Variants in ADAM17 observed in about 807,000 individuals in gnomAD.
The protein encoded by ADAM17 is ADAM metallopeptidase domain 17, also known as disintegrin and metalloproteinase domain-containing protein 17.
Under a neutral mutation model 96.7 loss-of-function variants are expected in ADAM17, and 39 were observed. The ratio of observed to expected loss-of-function variants is 0.40; its 90% CI spans 0.31 to 0.53. The LOEUF is 0.53. ADAM17 is among the 20% of genes least tolerant of loss of function. ADAM17 has a pLI of 0.44. For synonymous variants in ADAM17, 344 were observed against 359.2 expected, an observed-to-expected ratio of 0.96 and a Z score of 0.48; for missense variants, 777 against 1,013.2, an observed-to-expected ratio of 0.77 and a Z score of 3.17.
At chr2:9,527,975 G>T in intron 4 of ADAM17, 21 bp from the exon 5 acceptor site, 1 of 1,406,158 alleles carries the variant, frequency 7.1e-7, no homozygotes, top group East Asian at 2.5e-5. Context: ...AAATATATAC[G>T]ACTGAGATGG....
chr2:9,510,107 C>G lies in ADAM17; in HGVS notation c.1216G>C (p.Glu406Gln). ...TKEADLVTTH[E>Q]LGHNFGAEHD... ...TCTGCTCCAAAATTATGTCCCAATT[C>G]ATGAGTTGTAACCAGGTCAGCTTCC... is the stretch of plus-strand genomic sequence containing the variant. Residue 406 changes from glutamate (E) to glutamine (Q), a missense_variant, in exon 11 of 19, where the codon GAA becomes CAA. Physicochemically the swap from Glu to Gln is conservative, Grantham distance 29. Coordinates refer to ENST00000310823, the MANE Select transcript of ADAM17 (RefSeq NM_003183.6). 6.2e-7 allele frequency: 1 copy of G among 1,614,180 alleles called. No homozygotes were observed. The highest frequency in any genetic ancestry group is 8.5e-7 in the Non-Finnish European group (1 of 1,180,018).
In ADAM17 at chr2:9,521,500, T is replaced by C. The variant is rs147166324; in HGVS notation, c.844-184A>G. The C allele has an allele frequency of 1.3e-3, 440 of 336,986 alleles. 2 individuals carry two copies. Among genetic ancestry groups the C allele is most frequent in the African/African-American group, 9.0e-3 (419 of 46,680 alleles). 20.9% of individuals were successfully genotyped at this position (336,986 alleles called of 1,614,324 possible). A position where few individuals can be genotyped will look rare whatever the true frequency, so the allele number is the denominator to read the frequency against. Reference sequence around the variant, plus strand: ...GAAACAAACAGAGAAGCATATGGTATGGAAAACATATGTCAATGAATTATT... The same window carrying C: ...GAAACAAACAGAGAAGCATATGGTACGGAAAACATATGTCAATGAATTATT... On this transcript the variant is annotated intron_variant, in intron 7 of 18. Coordinates refer to ENST00000310823, the MANE Select transcript of ADAM17 (RefSeq NM_003183.6).
chr2:9,522,652 T>A (rs971412993), intron 7 of ADAM17, among the ~76,000 whole-genome samples: 4 of 152,176 alleles, frequency 2.6e-5, no homozygotes, highest in Non-Finnish European at 5.9e-5. Flanking sequence ...TTTATATAAT[T>A]TACATATCAA....
At position 9,494,796 on chromosome 2, in the gene ADAM17, G is replaced by GCCTCT. The variant is rs1322031150; in HGVS notation, c.1784-30_1784-29insAGAGG. 5.0e-6 allele frequency: 8 copies of GCCTCT among 1,611,934 alleles called. No individual in the cohort carries two copies. In the South Asian group the frequency reaches 8.8e-5, roughly 18 times the overall value. ...GAACAGAGAACACGCATTGACAGCTGGATTGTTCTGAGACCTGCCTCTCCT... is the reference window on the plus strand; with the variant it reads ...GAACAGAGAACACGCATTGACAGCTGCCTCTGATTGTTCTGAGACCTGCCTCTCCT... On this transcript the variant is annotated intron_variant, in intron 14 of 18. Transcript: ENST00000310823.
At chr2:9,522,478 G>T in intron 7 of ADAM17, 1 of 574,002 alleles carries the variant, frequency 1.7e-6, no homozygotes, top group African/African-American at 1.8e-5. Flanking sequence ...AGAATGAAAA[G>T]GGAAAAATAA....
At chr2:9,533,862 C>T (rs903721789) in intron 4 of ADAM17, among the ~76,000 whole-genome samples, 3 of 152,202 alleles carry the variant, frequency 2.0e-5, no homozygotes, top group Non-Finnish European at 4.4e-5. Flanking sequence ...CATCAAGCCA[C>T]AGGAGAGTAA....
At chr2:9,555,216 T>C (rs1161336767) in intron 1 of ADAM17, among the ~76,000 whole-genome samples, 1 of 152,048 alleles carries the variant, frequency 6.6e-6, no homozygotes, top group Non-Finnish European at 1.5e-5. Context: ...CCCTACTCCT[T>C]ACCGCTTTCC....
In ADAM17 at chr2:9,526,127, G is replaced by A. The variant is rs1332910099; in HGVS notation, c.737C>T (p.Thr246Ile). 1.2e-6 allele frequency: 2 copies of A among 1,608,978 alleles called. No homozygotes were observed. Among genetic ancestry groups the A allele is most frequent in the Non-Finnish European group, 1.7e-6 (2 of 1,178,260 alleles). Residue 246 changes from threonine to isoleucine, a missense_variant, in exon 6 of 19, where the codon ACA becomes ATA. Coordinates refer to ENST00000310823, the MANE Select transcript of ADAM17 (RefSeq NM_003183.6). ...YRYMGRGEESTTTNYLIELID... is the reference protein window; with the variant it reads ...YRYMGRGEESITTNYLIELID... ...AATACTTACTAAGTAATTTGTAGTTGTACTCTCTTCCCCTCTGCCCATGTA... is the reference window on the plus strand; with the variant it reads ...AATACTTACTAAGTAATTTGTAGTTATACTCTCTTCCCCTCTGCCCATGTA...
intron 1 of ADAM17, among the ~76,000 whole-genome samples, chr2:9,554,085 A>C (rs1243294041): frequency 6.6e-6 from 1 of 152,022 alleles, no homozygotes; most frequent in Non-Finnish European, 1.5e-5. Context: ...TGGTCTAAAA[A>C]ACCTTACGAT....
chr2:9,514,563 AT>A (rs1663950235), intron 10 of ADAM17, among the ~76,000 whole-genome samples: 14 of 101,472 alleles, frequency 1.4e-4, no homozygotes, highest in South Asian at 3.1e-4. Flanking sequence ...ATATATATAT[AT>A]ATATAAATAA....
At chr2:9,534,500 A>T (rs1389275926) in intron 4 of ADAM17, among the ~76,000 whole-genome samples, 1 of 152,176 alleles carries the variant, frequency 6.6e-6, no homozygotes, top group Non-Finnish European at 1.5e-5. Context: ...ACGCCATTGC[A>T]CTCTAGCCTG....
At chr2:9,540,238 C>A (rs1665153600) in intron 2 of ADAM17, among the ~76,000 whole-genome samples, 1 of 152,198 alleles carries the variant, frequency 6.6e-6, no homozygotes, top group South Asian at 2.1e-4. Context: ...CTACTTATTT[C>A]TTGCTACTAT....
chr2:9,519,523 C>T (rs1272105426), intron 8 of ADAM17, among the ~76,000 whole-genome samples: 1 of 152,140 alleles, frequency 6.6e-6, no homozygotes, highest in South Asian at 2.1e-4. Flanking sequence ...TCAGACAAGT[C>T]ATTTAATCTT....
At chr2:9,495,470 T>C (rs778314453) in intron 14 of ADAM17, among the ~76,000 whole-genome samples, 2 of 152,200 alleles carry the variant, frequency 1.3e-5, no homozygotes, top group African/African-American at 2.4e-5. Context: ...CCCAGCACTT[T>C]GGGAGGCCAA....
chr2:9,550,473 T>G (rs1428407078), intron 1 of ADAM17, among the ~76,000 whole-genome samples: 1 of 131,268 alleles, frequency 7.6e-6, no homozygotes, highest in Non-Finnish European at 1.6e-5. Context: ...TGAGATGGAG[T>G]CTCACTCTGC....
At chr2:9,535,808 G>GA (rs1172161135) in intron 4 of ADAM17, 26 bp downstream of exon 4, 55 of 1,476,108 alleles carry the variant, frequency 3.7e-5, no homozygotes, top group South Asian at 1.0e-4. Flanking sequence ...ATAAGCTACT[G>GA]AAAAAAAATT....
chr2:9,502,933 G>A (rs537600398), intron 12 of ADAM17, among the ~76,000 whole-genome samples: 148 of 149,966 alleles, frequency 9.9e-4, no homozygotes, highest in African/African-American at 3.5e-3. Flanking sequence ...GAGGTTAGGG[G>A]TTTGAGACCA....
chr2:9,490,024 C>CACAAGAACTGTTTACCTGCA lies in ADAM17; in HGVS notation c.*133_*152dup. On this transcript the variant is annotated 3_prime_UTR_variant, in exon 19 of 19. Transcript: ENST00000310823. Reference sequence around the variant, plus strand: ...TTTCAAAAGGAGAAGGGCCAAACCACACAAGAACTGTTTACCTGCAGGAAG... The same window carrying CACAAGAACTGTTTACCTGCA: ...TTTCAAAAGGAGAAGGGCCAAACCACACAAGAACTGTTTACCTGCAACAAGAACTGTTTACCTGCAGGAAG... 1 of 705,354 alleles carries CACAAGAACTGTTTACCTGCA rather than the reference C, an allele frequency of 1.4e-6. No homozygotes were observed. The highest frequency in any genetic ancestry group is 2.3e-6 in the Non-Finnish European group (1 of 440,418). 43.7% of individuals were successfully genotyped at this position (705,354 alleles called of 1,614,324 possible).
chr2:9,491,344 CT>C (rs1662127666), intron 17 of ADAM17, among the ~76,000 whole-genome samples, 193 bp from the exon 18 acceptor site: 1 of 152,198 alleles, frequency 6.6e-6, no homozygotes, highest in African/African-American at 2.4e-5. Context: ...GAAGTGTTTC[CT>C]TTGCACTCAA....
Sources: allele counts gnomAD v4.1 joint callset (sites outside exome capture counted in the v4.1 genomes callset), GRCh38; gene constraint gnomAD v4.1.1; transcripts MANE v1.5; gene names NCBI Gene and HGNC (gene_info 2026-07-23, HGNC 2026-07-21).